Variants in FHIT observed in about 807,000 individuals in gnomAD.
FHIT encodes bis(5'-adenosyl)-triphosphatase.
In FHIT, 19 loss-of-function variants were observed where a neutral mutation model predicts 17.9. The observed-to-expected ratio is 1.06, with a 90% CI of 0.74 to 1.56. The LOEUF (loss-of-function observed/expected upper bound fraction) is 1.56. FHIT is among the 40% of genes most tolerant of loss of function. The pLI, the probability that FHIT is intolerant of heterozygous loss-of-function variation, is 0.00. For synonymous variants in FHIT, 81 were observed against 69.7 expected (o/e 1.16, Z -0.81); for missense variants, 248 against 189.2 (o/e 1.31, Z -1.82).
chr3:60,692,963 G>T (rs2041027188), intron 4 of FHIT, among the ~76,000 whole-genome samples: 1 of 152,168 alleles, frequency 6.6e-6, no homozygotes, highest in Admixed American at 6.5e-5. Context: ...TCTTCCCTCT[G>T]TTTGGCCACA....
intron 5 of FHIT, among the ~76,000 whole-genome samples, chr3:60,058,130 G>GTTT (rs71089573): frequency 1.1e-4 from 7 of 66,340 alleles, no homozygotes; most frequent in East Asian, 4.1e-4. Context: ...ACAGAGTTGT[G>GTTT]TTTTTTTTTT....
rs79140666 is a variant in FHIT at position 60,341,288 on chromosome 3, A to T, written c.103+195572T>A. ...TCGTTGCATGTATTATTTTGTAATA[A>T]TATGTTGAATTTATAATTTTAAAGG... is the stretch of plus-strand genomic sequence containing the variant. On this transcript the variant is annotated intron_variant, in intron 5 of 9. Transcript: ENST00000492590. Among the ~76,000 whole-genome samples, 502 of 152,324 alleles carry T rather than the reference A, an allele frequency of 3.3e-3. 2 individuals carry two copies. Among genetic ancestry groups the T allele is most frequent in the African/African-American group, 0.012 (483 of 41,582 alleles).
chr3:60,015,560 C>T (rs377394196), intron 5 of FHIT, among the ~76,000 whole-genome samples: 1 of 152,158 alleles, frequency 6.6e-6, no homozygotes, highest in Non-Finnish European at 1.5e-5. Context: ...TCCACTCCCA[C>T]GAAGCTGCTT....
chr3:60,131,234 A>C (rs1179663256), intron 5 of FHIT, among the ~76,000 whole-genome samples: 1 of 151,872 alleles, frequency 6.6e-6, no homozygotes, highest in African/African-American at 2.4e-5. Flanking sequence ...ATTAACTTTA[A>C]ATCATCTCTA....
chr3:60,999,624 A>G (rs2107600560), intron 3 of FHIT, among the ~76,000 whole-genome samples: 1 of 152,048 alleles, frequency 6.6e-6, no homozygotes, highest in African/African-American at 2.4e-5. Flanking sequence ...GTCCTGGGAA[A>G]CAGATTCCTC....
chr3:61,127,046 G>GC (rs1241935587), intron 2 of FHIT, among the ~76,000 whole-genome samples: 2 of 152,226 alleles, frequency 1.3e-5, no homozygotes, highest in African/African-American at 4.8e-5. Flanking sequence ...GGCCTTGTAA[G>GC]CCACCATCAT....
intron 8 of FHIT, among the ~76,000 whole-genome samples, chr3:59,866,881 C>T (rs113057717): frequency 0.017 from 2,527 of 152,124 alleles, 27 homozygotes; most frequent in South Asian, 0.021. Flanking sequence ...CTTCCAAATC[C>T]GGCTGATAAT....
intron 3 of FHIT, among the ~76,000 whole-genome samples, chr3:60,928,015 C>T (rs1167892562): frequency 6.6e-6 from 1 of 152,150 alleles, no homozygotes; most frequent in Non-Finnish European, 1.5e-5. Flanking sequence ...TACTCCCAAC[C>T]CAGTGCTCTC....
rs2037059761 is a variant in FHIT, at chr3:61,140,802, T to G, written c.-164+59815A>C. Among the ~76,000 whole-genome samples the G allele has an allele frequency of 2.0e-5, 3 of 152,170 alleles. 1 individual carries two copies. The highest frequency in any genetic ancestry group is 2.0e-4 in the Admixed American group (3 of 15,278). ...TCATTAAAAATAGACTAGGGAGTATTTTACATTGAGACACTAGGGAGCATC... is the reference window on the plus strand; with the variant it reads ...TCATTAAAAATAGACTAGGGAGTATGTTACATTGAGACACTAGGGAGCATC... On this transcript the variant is annotated intron_variant, in intron 2 of 9. Transcript: ENST00000492590.
intron 5 of FHIT, among the ~76,000 whole-genome samples, chr3:60,024,715 G>A (rs1274725757): frequency 3.3e-5 from 5 of 152,192 alleles, no homozygotes; most frequent in African/African-American, 9.7e-5. Flanking sequence ...GGGCAAGACC[G>A]TAACAAGCCA....
intron 8 of FHIT, among the ~76,000 whole-genome samples, chr3:59,921,926 T>C (rs1288969592): frequency 2.6e-5 from 4 of 152,252 alleles, no homozygotes; most frequent in Non-Finnish European, 4.4e-5. Flanking sequence ...ATAAATGCTG[T>C]TGGGAAAGAC....
intron 5 of FHIT, among the ~76,000 whole-genome samples, chr3:60,400,975 G>T (rs1297518685): frequency 2.0e-5 from 3 of 151,846 alleles, no homozygotes; most frequent in African/African-American, 7.3e-5. Context: ...CCTTAGTGCT[G>T]CATAGAAATT....
intron 3 of FHIT, among the ~76,000 whole-genome samples, chr3:60,966,607 G>T (rs556204455): frequency 1.3e-5 from 2 of 152,302 alleles, no homozygotes; most frequent in East Asian, 3.9e-4. Context: ...TTAAATGGTG[G>T]AAATGAATGG....
intron 2 of FHIT, among the ~76,000 whole-genome samples, chr3:61,118,692 GT>G (rs2036370846): frequency 6.6e-6 from 1 of 152,148 alleles, no homozygotes; most frequent in African/African-American, 2.4e-5. Flanking sequence ...CAGTGTGTCA[GT>G]TCCCTTATTT....
At chr3:60,287,221 T>G (rs1044264423) in intron 5 of FHIT, among the ~76,000 whole-genome samples, 1 of 152,136 alleles carries the variant, frequency 6.6e-6, no homozygotes, top group Non-Finnish European at 1.5e-5. Flanking sequence ...CAGGCTGGAG[T>G]GCAGTGGCAA....
At chr3:60,229,893 G>T (rs1461943895) in intron 5 of FHIT, among the ~76,000 whole-genome samples, 1 of 152,068 alleles carries the variant, frequency 6.6e-6, no homozygotes, top group African/African-American at 2.4e-5. Context: ...GTGGCAGGAG[G>T]ACAGCTTGAG....
chr3:60,898,435 C>T (rs1355480218), intron 3 of FHIT, among the ~76,000 whole-genome samples: 4 of 152,136 alleles, frequency 2.6e-5, no homozygotes, highest in Admixed American at 2.6e-4. Context: ...TATACGTGGT[C>T]AAGTTGCCAC....
chr3:60,156,169 T>C (rs1238354546), intron 5 of FHIT, among the ~76,000 whole-genome samples: 2 of 150,250 alleles, frequency 1.3e-5, no homozygotes, highest in African/African-American at 4.9e-5. Context: ...CCGACCAACA[T>C]GGTGAAACCC....
intron 4 of FHIT, among the ~76,000 whole-genome samples, chr3:60,762,012 TC>T (rs1433273471): frequency 1.3e-5 from 2 of 152,172 alleles, no homozygotes; most frequent in African/African-American, 2.4e-5. Context: ...GATCCTGGGT[TC>T]AATTCACATA....
Sources: gnomAD v4.1 joint callset for allele counts (sites outside exome capture counted in the v4.1 genomes callset) on GRCh38, gnomAD v4.1.1 for gene constraint, MANE v1.5 for transcripts, NCBI Gene and HGNC (gene_info 2026-07-23, HGNC 2026-07-21) for gene names.